The following NME7 variants were observed in gnomAD, a reference collection of about 807,000 sequenced individuals.
NME7 encodes nucleoside diphosphate kinase 7.
Under a neutral mutation model 49.1 loss-of-function variants are expected in NME7, and 41 were observed. The ratio of observed to expected loss-of-function variants is 0.83; its 90% CI spans 0.65 to 1.08. The LOEUF (loss-of-function observed/expected upper bound fraction) is 1.08, where lower values mean the gene tolerates loss of function less well. Among genes scored for constraint, NME7 ranks in the 50% least tolerant of loss-of-function variants. The probability of loss-of-function intolerance (pLI) is 0.00; values close to 1 mark genes in which losing one functional copy is unlikely to be tolerated. For synonymous variants in NME7, 139 were observed against 150.6 expected (o/e 0.92, Z 0.56); for missense variants, 423 against 463.4 (o/e 0.91, Z 0.80).
chr1:169,327,686 TAA>T (rs948052227), intron 1 of NME7, among the ~76,000 whole-genome samples: 7 of 152,194 alleles, frequency 4.6e-5, no homozygotes, highest in African/African-American at 1.7e-4. Flanking sequence ...AAAATTCATA[TAA>T]GTTTTATAAC....
intron 10 of NME7, among the ~76,000 whole-genome samples, chr1:169,176,961 T>G (rs1659770085): frequency 6.6e-6 from 1 of 152,236 alleles, no homozygotes; most frequent in African/African-American, 2.4e-5. Flanking sequence ...TTTTAAGACA[T>G]TTAACCTTTA....
chr1:169,217,869 C>T (rs1044256850), intron 10 of NME7, among the ~76,000 whole-genome samples: 2 of 152,128 alleles, frequency 1.3e-5, no homozygotes, highest in African/African-American at 4.8e-5. Context: ...ATAAGCTGCA[C>T]TATGCTTTTC....
In NME7 at chr1:169,258,472, A is replaced by G. The variant is rs746003881; in HGVS notation, c.755-20785T>C. On this transcript the variant is annotated intron_variant, in intron 7 of 11. Transcript: ENST00000367811. ...CATTCTCAAAGTTAGCCTTTGCACA[A>G]CATTTTTTTTAATAAACAGGTACGT... is the stretch of plus-strand genomic sequence containing the variant. Among the ~76,000 whole-genome samples, 6 of 124,410 alleles carry G rather than the reference A, an allele frequency of 4.8e-5. 1 individual carries two copies. The highest frequency in any genetic ancestry group is 1.1e-4 in the Non-Finnish European group (6 of 53,598). 81.6% of individuals were successfully genotyped at this position (124,410 alleles called of 152,430 possible).
intron 7 of NME7, among the ~76,000 whole-genome samples, chr1:169,252,151 G>C (rs541130336): frequency 5.3e-5 from 8 of 150,568 alleles, no homozygotes; most frequent in African/African-American, 1.5e-4. Context: ...CTTCCACAAT[G>C]GTTGAACTAG....
intron 11 of NME7, among the ~76,000 whole-genome samples, chr1:169,147,492 T>C (rs1378893798): frequency 6.6e-6 from 1 of 152,238 alleles, no homozygotes; most frequent in African/African-American, 2.4e-5. Flanking sequence ...TCTTCTATGT[T>C]TCAGTTACTC....
chr1:169,263,380 G>T (rs928827664), intron 7 of NME7, among the ~76,000 whole-genome samples: 1 of 133,750 alleles, frequency 7.5e-6, no homozygotes, highest in Non-Finnish European at 1.8e-5. Context: ...TACAGGAGAT[G>T]AAAGTCAAAA....
intron 10 of NME7, among the ~76,000 whole-genome samples, chr1:169,171,806 G>GTTTTTTTTTTTTTTTTT (rs35524440): frequency 6.9e-6 from 1 of 145,258 alleles, no homozygotes. Context: ...ATTCCTGGCT[G>GTTTTTTTTTTTTTTTTT]TTTTTTTTTT....
chr1:169,188,336 G>T (rs1255406005), intron 10 of NME7, among the ~76,000 whole-genome samples: 1 of 152,130 alleles, frequency 6.6e-6, no homozygotes, highest in Non-Finnish European at 1.5e-5. Context: ...GATCACACCT[G>T]CTTATTTTAT....
chr1:169,220,072 G>C (rs914861252), intron 10 of NME7, among the ~76,000 whole-genome samples: 1 of 151,988 alleles, frequency 6.6e-6, no homozygotes, highest in Non-Finnish European at 1.5e-5. Context: ...TTTCAGTTAC[G>C]CATGTTTTCC....
chr1:169,276,594 C>A (rs575932163), intron 7 of NME7, among the ~76,000 whole-genome samples: 1 of 131,282 alleles, frequency 7.6e-6, no homozygotes, highest in Non-Finnish European at 1.8e-5. Flanking sequence ...CTTTATTAGT[C>A]TTGCTAGCGG....
intron 11 of NME7, among the ~76,000 whole-genome samples, chr1:169,137,804 GA>G (rs765116738): frequency 2.0e-5 from 3 of 152,146 alleles, no homozygotes; most frequent in Non-Finnish European, 4.4e-5. Context: ...AGACTCAGAG[GA>G]AACATTCAAA....
intron 11 of NME7, among the ~76,000 whole-genome samples, chr1:169,161,606 G>A (rs1015942986): frequency 6.6e-6 from 1 of 152,144 alleles, no homozygotes; most frequent in Non-Finnish European, 1.5e-5. Flanking sequence ...ACAGTGAGAG[G>A]AGTCTAGCAT....
At chr1:169,141,762 T>A (rs942633309) in intron 11 of NME7, among the ~76,000 whole-genome samples, 3 of 152,156 alleles carry the variant, frequency 2.0e-5, no homozygotes, top group African/African-American at 7.2e-5. Flanking sequence ...GCCTTTTTTT[T>A]TATAAGGACA....
intron 7 of NME7, among the ~76,000 whole-genome samples, chr1:169,265,727 C>A (rs1649297516): frequency 7.9e-6 from 1 of 126,042 alleles, no homozygotes; most frequent in Admixed American, 7.8e-5. Flanking sequence ...AAATTGACAG[C>A]TAGACAAATA....
chr1:169,214,980 C>T (rs773455108), intron 10 of NME7, among the ~76,000 whole-genome samples: 1 of 152,250 alleles, frequency 6.6e-6, no homozygotes, highest in Non-Finnish European at 1.5e-5. Flanking sequence ...GCCAGTGTGA[C>T]AGCCTTTTTG....
chr1:169,316,688 T>TG (rs1049445908), intron 3 of NME7, among the ~76,000 whole-genome samples: 2 of 152,144 alleles, frequency 1.3e-5, no homozygotes, highest in African/African-American at 4.8e-5. Context: ...CTGCTATTGG[T>TG]GGCTTTGAAG....
intron 10 of NME7, among the ~76,000 whole-genome samples, chr1:169,206,757 CTT>C (rs59442855): frequency 0.39 from 58,392 of 149,962 alleles, 11,988 homozygotes; most frequent in East Asian, 0.79. Context: ...TTTAATAACT[CTT>C]ATAATTTTAA....
chr1:169,246,630 G>A (rs948191227), intron 7 of NME7, among the ~76,000 whole-genome samples: 2 of 151,986 alleles, frequency 1.3e-5, no homozygotes, highest in Non-Finnish European at 2.9e-5. Flanking sequence ...TTTTTTTAGA[G>A]GTGGGGCCTT....
intron 7 of NME7, among the ~76,000 whole-genome samples, chr1:169,253,347 G>A (rs1311314602): frequency 6.6e-6 from 1 of 150,632 alleles, no homozygotes; most frequent in South Asian, 2.1e-4. Flanking sequence ...GTTCACTCAT[G>A]ATTTGGCTCT....
Sources: allele counts gnomAD v4.1 joint callset (sites outside exome capture counted in the v4.1 genomes callset), GRCh38; gene constraint gnomAD v4.1.1; transcripts MANE v1.5; gene names NCBI Gene and HGNC (gene_info 2026-07-23, HGNC 2026-07-21).